Variants in LHFPL5 observed in about 807,000 individuals in gnomAD.
LHFPL5 encodes LHFPL tetraspan subfamily member 5 protein.
In LHFPL5, 12 loss-of-function variants were observed where a neutral mutation model predicts 18.7. The ratio of observed to expected loss-of-function variants is 0.64; its 90% confidence interval spans 0.41 to 1.04. The LOEUF is 1.04. Ranked by LOEUF, LHFPL5 falls within the 50% of genes least tolerant of loss-of-function variation. The pLI is 0.00. For missense variants in LHFPL5, 259 were observed against 292.1 expected, an observed-to-expected ratio of 0.89 and a Z score of 0.83; for synonymous variants, 111 against 120.2, an observed-to-expected ratio of 0.92 and a Z score of 0.50.
chr6:35,823,422 C>T lies in LHFPL5; in HGVS notation c.*457C>T, dbSNP rs866657668. ...ACACACACACACACACACACACACA[C>T]ACATACATACACACACACATATATA... On this transcript the variant is annotated 3_prime_UTR_variant, in exon 4 of 4. Transcript: ENST00000360215. 2.3e-4 allele frequency: 27 copies of T among 119,832 alleles called. No individual in the cohort carries two copies. The highest frequency in any genetic ancestry group is 5.8e-4 in the Admixed American group (7 of 12,056). 7.4% of individuals were successfully genotyped at this position (119,832 alleles called of 1,614,324 possible).
rs1768918604 is a variant in LHFPL5 at position 35,823,546 on chromosome 6, A to C, written c.*581A>C. 1 of 152,022 alleles carries C rather than the reference A, an allele frequency of 6.6e-6. No individual in the cohort carries two copies. The highest frequency in any genetic ancestry group is 1.5e-5 in the Non-Finnish European group (1 of 68,084). The allele number at this position is 152,022 out of a possible 1,614,324, so 9.4% of individuals were successfully genotyped here. A position where few individuals can be genotyped will look rare whatever the true frequency, so the allele number is the denominator to read the frequency against. On this transcript the variant is annotated 3_prime_UTR_variant, in exon 4 of 4. Transcript: ENST00000360215. ...AAGAGGGCACTGAAGAGGTGGCTGG[A>C]CATGTGCTGGGTCATTTTTAGGGTG...
Position 35,814,415 on chromosome 6 carries a change from C to T in LHFPL5, c.413-131C>T. The T allele has an allele frequency of 1.2e-6, 1 of 809,086 alleles. No homozygotes were observed. The allele number at this position is 809,086 out of a possible 1,614,324, so 50.1% of individuals were successfully genotyped here. A position where few individuals can be genotyped will look rare whatever the true frequency, so the allele number is the denominator to read the frequency against. On this transcript the variant is annotated intron_variant, in intron 1 of 3. Transcript: ENST00000360215. This position sits in a 1 kb window ranked among gnomAD's most constrained non-coding sequence, Gnocchi z 4.2. ...TCTGCAAGAAGGATGGTAGAGGCTGCCTCTCATGCCTCCTGAGGCTGTTAA... is the reference window on the plus strand; with the variant it reads ...TCTGCAAGAAGGATGGTAGAGGCTGTCTCTCATGCCTCCTGAGGCTGTTAA...
chr6:35,809,515 A>C (rs1191177102), intron 1 of LHFPL5, among the ~76,000 whole-genome samples: 1 of 152,092 alleles, frequency 6.6e-6, no homozygotes, highest in African/African-American at 2.4e-5. Context: ...ATTATTATTG[A>C]GTCAAGGTCT....
At chr6:35,821,168 G>T (rs192862597) in intron 3 of LHFPL5, among the ~76,000 whole-genome samples, 195 of 152,126 alleles carry the variant, frequency 1.3e-3, no homozygotes, top group African/African-American at 4.5e-3. Flanking sequence ...GCTGGGTGTG[G>T]TGGCATGCAC....
At position 35,807,461 on chromosome 6, in the gene LHFPL5, C is replaced by A. The variant is rs553386446; in HGVS notation, c.412+1379C>A. ...AGACCTTGTGCTGCAGCCTCTGGTA[C>A]CTTGGTCCCTGCACACCTCAGGGGC... On this transcript the variant is annotated intron_variant, in intron 1 of 3. Coordinates refer to ENST00000360215, the MANE Select transcript of LHFPL5 (RefSeq NM_182548.4). Among the ~76,000 whole-genome samples, 3 of 152,190 alleles carry A rather than the reference C, an allele frequency of 2.0e-5. No homozygotes were observed. The South Asian group carries it at 6.2e-4, about 32-fold the overall frequency.
chr6:35,823,436 CACACAT>C lies in LHFPL5; in HGVS notation c.*473_*478del, dbSNP rs1768911719. On this transcript the variant is annotated 3_prime_UTR_variant, in exon 4 of 4. Coordinates refer to ENST00000360215, the MANE Select transcript of LHFPL5 (RefSeq NM_182548.4). ...ACACACACACACACATACATACACA[CACACAT>C]ATATATACACACACACACACACACA... The C allele has an allele frequency of 8.4e-6, 1 of 118,484 alleles. No homozygotes were observed. The highest frequency in any genetic ancestry group is 3.8e-5 in the African/African-American group (1 of 26,038). The allele number at this position is 118,484 out of a possible 1,614,324, so 7.3% of individuals were successfully genotyped here.
At chr6:35,816,175 C>T (rs1581973222) in intron 2 of LHFPL5, among the ~76,000 whole-genome samples, 5 of 121,068 alleles carry the variant, frequency 4.1e-5, no homozygotes, top group Admixed American at 8.7e-5. Flanking sequence ...GAGACTCCGT[C>T]TCAAAAAAAA....
intron 3 of LHFPL5, among the ~76,000 whole-genome samples, chr6:35,821,480 T>C (rs1207463900): frequency 1.4e-5 from 2 of 146,512 alleles, no homozygotes; most frequent in Non-Finnish European, 3.0e-5. Context: ...TGTGTGTGTG[T>C]GTGTGTGTGT....
intron 2 of LHFPL5, among the ~76,000 whole-genome samples, chr6:35,817,050 T>C (rs1406431790): frequency 1.3e-5 from 2 of 152,142 alleles, no homozygotes; most frequent in East Asian, 3.9e-4. Flanking sequence ...AGAGGCCAGA[T>C]GCGGTGGCTT....
rs976811629 is a variant in LHFPL5 at position 35,814,945 on chromosome 6, G to T, written c.649+163G>T. Among the ~76,000 whole-genome samples, 1 of 152,044 alleles carries T rather than the reference G, an allele frequency of 6.6e-6. No individual in the cohort carries two copies. Among genetic ancestry groups the T allele is most frequent in the South Asian group, 2.1e-4 (1 of 4,812 alleles). Reference sequence around the variant, plus strand: ...GTCCTCCCTGAAATCAAAGGCCAGTGGAGGGTTGCAAGCTAGCAGGTGATA... The same window carrying T: ...GTCCTCCCTGAAATCAAAGGCCAGTTGAGGGTTGCAAGCTAGCAGGTGATA... On this transcript the variant is annotated intron_variant, in intron 2 of 3. Transcript: ENST00000360215. The surrounding 1 kb of genome is among the most constrained non-coding windows in gnomAD (Gnocchi z 4.2).
chr6:35,808,815 G>A (rs1304922555), intron 1 of LHFPL5, among the ~76,000 whole-genome samples: 1 of 151,806 alleles, frequency 6.6e-6, no homozygotes, highest in African/African-American at 2.4e-5. Context: ...CCAGGAGGGG[G>A]AGGGGTTGAC....
At chr6:35,807,909 A>AC (rs1768597731) in intron 1 of LHFPL5, among the ~76,000 whole-genome samples, 1 of 152,254 alleles carries the variant, frequency 6.6e-6, no homozygotes, top group South Asian at 2.1e-4. Context: ...CCCCAGCACA[A>AC]CCCATTGAGG....
At chr6:35,817,037 A>G (rs1446148941) in intron 2 of LHFPL5, among the ~76,000 whole-genome samples, 1 of 152,124 alleles carries the variant, frequency 6.6e-6, no homozygotes, top group East Asian at 1.9e-4. Context: ...TAAAAATCTT[A>G]AAAGAGGCCA....
intron 2 of LHFPL5, among the ~76,000 whole-genome samples, chr6:35,816,482 C>T (rs1226462281): frequency 6.6e-6 from 1 of 152,066 alleles, no homozygotes. Context: ...GGCCTAGATC[C>T]CGGATCCCTT....
intron 1 of LHFPL5, among the ~76,000 whole-genome samples, chr6:35,806,530 C>A (rs541513118): frequency 3.2e-4 from 48 of 152,274 alleles, no homozygotes; most frequent in African/African-American, 1.1e-3. Flanking sequence ...ATTCTAGATG[C>A]CTTCATCTCC....
intron 1 of LHFPL5, among the ~76,000 whole-genome samples, chr6:35,810,990 G>A (rs1249109129): frequency 6.6e-6 from 1 of 152,138 alleles, no homozygotes; most frequent in South Asian, 2.1e-4. Context: ...GGGATCGGTG[G>A]GGGCTCCGCT....
At chr6:35,808,572 T>C (rs1309780651) in intron 1 of LHFPL5, among the ~76,000 whole-genome samples, 822 of 59,920 alleles carry the variant, frequency 0.014, 11 homozygotes, top group African/African-American at 0.066. Flanking sequence ...TACATATATA[T>C]ATATATATAT....
intron 2 of LHFPL5, among the ~76,000 whole-genome samples, chr6:35,817,711 G>A (rs1768789441): frequency 6.6e-6 from 1 of 152,242 alleles, no homozygotes; most frequent in South Asian, 2.1e-4. Flanking sequence ...ATAATAACAA[G>A]TGTTGGTGAG....
chr6:35,814,003 G>A lies in LHFPL5; in HGVS notation c.413-543G>A, dbSNP rs1008722405. Among the ~76,000 whole-genome samples the A allele has an allele frequency of 2.6e-5, 4 of 151,830 alleles. No individual in the cohort carries two copies. The highest frequency in any genetic ancestry group is 7.3e-5 in the African/African-American group (3 of 41,316). Reference sequence around the variant, plus strand: ...TAGAGAACAGGGTTTCTCCATGTTGGTCAGGCTGGTCTCAAACTCCCAACC... The same window carrying A: ...TAGAGAACAGGGTTTCTCCATGTTGATCAGGCTGGTCTCAAACTCCCAACC... On this transcript the variant is annotated intron_variant, in intron 1 of 3. Transcript: ENST00000360215. The surrounding 1 kb of genome is among the most constrained non-coding windows in gnomAD (Gnocchi z 4.2).
Sources: allele counts gnomAD v4.1 joint callset (sites outside exome capture counted in the v4.1 genomes callset), GRCh38; gene constraint gnomAD v4.1.1; non-coding constraint Gnocchi (gnomAD v3.1); transcripts MANE v1.5; gene names NCBI Gene and HGNC (gene_info 2026-07-23, HGNC 2026-07-21).